EVX1: variants seen among roughly 807,000 people sequenced by gnomAD.
EVX1 encodes the protein homeobox even-skipped homolog protein 1.
Under a neutral mutation model 28.6 loss-of-function variants are expected in EVX1, and 19 were observed. The ratio of observed to expected loss-of-function variants is 0.67; its 90% CI spans 0.46 to 0.98. EVX1 has a LOEUF of 0.98. EVX1 is among the 50% of genes least tolerant of loss of function. EVX1 has a pLI of 0.00. For missense variants in EVX1, 660 were observed against 583.0 expected, an observed-to-expected ratio of 1.13 and a Z score of -1.36; for synonymous variants, 324 against 278.2, an observed-to-expected ratio of 1.16 and a Z score of -1.64.
Position 27,243,393 on chromosome 7 carries a change from A to G in EVX1, c.363A>G (p.Glu121=). ...CGGACACCGAGTCGGATTTCTATGA[A>G]GAAATCGAGGTGAGCTGCACCCCGG... ...SSSDTESDFY[E]EIEVSCTPDC... Residue 121 remains glutamate, a synonymous_variant, in exon 1 of 3, where the codon GAA becomes GAG. Transcript: ENST00000496902. The G allele has an allele frequency of 1.2e-6, 2 of 1,612,304 alleles. No individual in the cohort carries two copies. Among genetic ancestry groups the G allele is most frequent in the South Asian group, 1.1e-5 (1 of 91,050 alleles).
intron 1 of EVX1, among the ~76,000 whole-genome samples, chr7:27,244,698 C>T (rs766891251): frequency 6.6e-6 from 1 of 152,194 alleles, no homozygotes; most frequent in African/African-American, 2.4e-5. Flanking sequence ...CACAAAGGTG[C>T]ATCTCAACTC....
intron 1 of EVX1, chr7:27,244,446 C>T (rs1455546204): frequency 2.0e-6 from 2 of 985,332 alleles, no homozygotes; most frequent in South Asian, 4.7e-5. Context: ...CCCTTACTAT[C>T]TTATCACCGA....
intron 1 of EVX1, chr7:27,243,749 G>C: frequency 2.8e-6 from 1 of 354,208 alleles, no homozygotes; most frequent in Non-Finnish European, 5.1e-6. Flanking sequence ...TCAACTGCTC[G>C]GGGAATGCTT....
Position 27,246,329 on chromosome 7 carries a change from C to T in EVX1, c.1128C>T (p.Ser376=), listed in dbSNP as rs1562536797. Residue 376 remains serine, a synonymous_variant, in exon 3 of 3, where the codon TCC becomes TCT. Transcript: ENST00000496902. The part of the protein sequence containing the change: ...AASDFTCAST[S]RSDSFLTFAP... ...CGGACTTCACCTGTGCCTCCACCTC[C>T]CGCTCGGACTCCTTCCTCACCTTCG... The T allele has an allele frequency of 6.3e-7, 1 of 1,598,764 alleles. No homozygotes were observed. Among genetic ancestry groups the T allele is most frequent in the East Asian group, 2.2e-5 (1 of 44,496 alleles).
Position 27,245,288 on chromosome 7 carries a change from C to G in EVX1, c.668C>G (p.Pro223Arg). 2 of 1,613,332 alleles carry G rather than the reference C, an allele frequency of 1.2e-6. No homozygotes were observed. The highest frequency in any genetic ancestry group is 1.1e-5 in the South Asian group (1 of 91,080). The change falls in exon 2 of 3, where the codon CCG becomes CGG. Residue 223 changes from proline (P) to arginine (R), a missense_variant. Transcript: ENST00000496902. ...RCELAAALNL[P>R]ETTIKVWFQN... ...GAGCTGGCGGCCGCCCTAAACCTGC[C>G]GGAAACCACCATCAAGGTATGCGGG... is the stretch of plus-strand genomic sequence containing the variant.
chr7:27,242,916 C>A lies in EVX1; in HGVS notation c.-115C>A. Reference sequence around the variant, plus strand: ...CAGCAGCTCCGCGCCCTCCCAGGCACCCGGCCTTTCTTTCTCCCTCTTGCA... The same window carrying A: ...CAGCAGCTCCGCGCCCTCCCAGGCAACCGGCCTTTCTTTCTCCCTCTTGCA... On this transcript the variant is annotated 5_prime_UTR_variant, in exon 1 of 3. Coordinates refer to ENST00000496902, the MANE Select transcript of EVX1 (RefSeq NM_001989.5). 8.2e-7 allele frequency: 1 copy of A among 1,213,360 alleles called. No individual in the cohort carries two copies. Among genetic ancestry groups the A allele is most frequent in the Non-Finnish European group, 1.1e-6 (1 of 905,124 alleles). 75.2% of individuals were successfully genotyped at this position (1,213,360 alleles called of 1,614,324 possible).
At position 27,245,208 on chromosome 7, in the gene EVX1, G is replaced by A. The variant is rs763674511; in HGVS notation, c.588G>A (p.Ala196=). ...YRTAFTREQI[A]RLEKEFYREN... is the part of the protein sequence containing the mutation. The stretch of plus-strand genomic sequence containing the variant: ...CCGCCTTCACCCGAGAGCAGATTGC[G>A]CGGCTGGAGAAGGAATTCTACCGGG... The change falls in exon 2 of 3, where the codon GCG becomes GCA. Residue 196 remains alanine (A), a synonymous_variant. Coordinates refer to ENST00000496902, the MANE Select transcript of EVX1 (RefSeq NM_001989.5). 4 of 1,613,568 alleles carry A rather than the reference G, an allele frequency of 2.5e-6. No homozygotes were observed. In the African/African-American group the frequency reaches 5.3e-5, roughly 22 times the overall value.
Position 27,243,236 on chromosome 7 carries a change from C to G in EVX1, c.206C>G (p.Pro69Arg), listed in dbSNP as rs563339648. ...GGCGGGGGAGGCCCGGAGGAGGAGCCGGTAGATGGACTCGCAGGCAGCGCG... is the reference window on the plus strand; with the variant it reads ...GGCGGGGGAGGCCCGGAGGAGGAGCGGGTAGATGGACTCGCAGGCAGCGCG... ...ERGGGGPEEE[P>R]VDGLAGSAAG... The change falls in exon 1 of 3, where the codon CCG becomes CGG. Residue 69 changes from proline to arginine, a missense_variant. Pro to Arg is a moderately radical substitution (Grantham distance 103). Around this residue, in one of 3 missense-constraint regions of EVX1, gnomAD observed 308 missense variants for 256.6 expected, o/e 1.20. Transcript: ENST00000496902. 6 of 1,548,656 alleles carry G rather than the reference C, an allele frequency of 3.9e-6. No homozygotes were observed. Among genetic ancestry groups the G allele is most frequent in the Non-Finnish European group, 5.2e-6 (6 of 1,146,732 alleles).
rs1783067613 is a variant in EVX1, at chr7:27,243,090, T to C, written c.60T>C (p.Val20=). ...FLDGGQLGTL[V]GKRVSNLSEA... Reference sequence around the variant, plus strand: ...ATGGGGGTCAGCTTGGCACTCTGGTTGGCAAGAGAGTCTCAAATTTGTCCG... The same window carrying C: ...ATGGGGGTCAGCTTGGCACTCTGGTCGGCAAGAGAGTCTCAAATTTGTCCG... The change falls in exon 1 of 3, where the codon GTT becomes GTC. Residue 20 remains valine, a synonymous_variant. Transcript: ENST00000496902. 6.2e-7 allele frequency: 1 copy of C among 1,612,334 alleles called. No homozygotes were observed. The highest frequency in any genetic ancestry group is 8.5e-7 in the Non-Finnish European group (1 of 1,179,334).
Position 27,246,316 on chromosome 7 carries a change from G to T in EVX1, c.1115G>T (p.Cys372Phe). 6.3e-7 allele frequency: 1 copy of T among 1,595,152 alleles called. No individual in the cohort carries two copies. ...GCTGCCGCCGCCTCGGACTTCACCT[G>T]TGCCTCCACCTCCCGCTCGGACTCC... Reference protein sequence around the residue: ...PRAAAASDFTCASTSRSDSFL... With the variant: ...PRAAAASDFTFASTSRSDSFL... Residue 372 changes from cysteine (C) to phenylalanine (F), a missense_variant, in exon 3 of 3, where the codon TGT becomes TTT. Physicochemically the swap from Cys to Phe is radical, Grantham distance 205. Coordinates refer to ENST00000496902, the MANE Select transcript of EVX1 (RefSeq NM_001989.5).
Position 27,243,144 on chromosome 7 carries a change from G to T in EVX1, c.114G>T (p.Pro38=). The change falls in exon 1 of 3, where the codon CCG becomes CCT. Residue 38 remains proline (P), a synonymous_variant. Coordinates refer to ENST00000496902, the MANE Select transcript of EVX1 (RefSeq NM_001989.5). ...CCGTGGGCAGCCCGCTGCCGGAGCC[G>T]CCCGAGAAAATGGTGCCCCGTGGTT... ...SEAVGSPLPE[P]PEKMVPRGCL... The T allele has an allele frequency of 6.2e-7, 1 of 1,602,032 alleles. No homozygotes were observed. Among genetic ancestry groups the T allele is most frequent in the South Asian group, 1.1e-5 (1 of 88,954 alleles).
chr7:27,246,002 C>A lies in EVX1; in HGVS notation c.801C>A (p.Gly267=), dbSNP rs376919347. Residue 267 remains glycine, a synonymous_variant, in exon 3 of 3, where the codon GGC becomes GGA. Coordinates refer to ENST00000496902, the MANE Select transcript of EVX1 (RefSeq NM_001989.5). ...TYMMSHAAAA[G]GLPYPFPSHL... ...TGATGAGCCATGCGGCGGCCGCGGG[C>A]GGCCTGCCCTACCCCTTCCCATCGC... 1 of 1,601,198 alleles carries A rather than the reference C, an allele frequency of 6.2e-7. No individual in the cohort carries two copies.
chr7:27,245,945 G>T lies in EVX1; in HGVS notation c.744G>T (p.Pro248=), dbSNP rs371979386. The T allele has an allele frequency of 3.7e-5, 59 of 1,596,670 alleles. No homozygotes were observed. Among genetic ancestry groups the T allele is most frequent in the Admixed American group, 1.5e-4 (9 of 58,292 alleles). ...GGCAGCGCCTGGCCATGACGTGGCC[G>T]CACCCGGCGGACCCCGCCTTCTACA... ...DKRQRLAMTW[P]HPADPAFYTY... The change falls in exon 3 of 3, where the codon CCG becomes CCT. Residue 248 remains proline, a synonymous_variant. Transcript: ENST00000496902.
chr7:27,245,548 G>A lies in EVX1; in HGVS notation c.684+244G>A, dbSNP rs139388095. On this transcript the variant is annotated intron_variant, in intron 2 of 2. Coordinates refer to ENST00000496902, the MANE Select transcript of EVX1 (RefSeq NM_001989.5). ...GGAAGGGGATAGAGTGCCTGTGCGG[G>A]TGACAAGGAAGTTTCTGGGGACACG... Among the ~76,000 whole-genome samples, 880 of 152,322 alleles carry A rather than the reference G, an allele frequency of 5.8e-3. 16 individuals carry two copies. Among genetic ancestry groups the A allele is most frequent in the African/African-American group, 0.02 (838 of 41,574 alleles).
At chr7:27,245,349 C>T in intron 2 of EVX1, 45 bp downstream of exon 2, 1 of 1,601,598 alleles carries the variant, frequency 6.2e-7, no homozygotes. Flanking sequence ...ACCTATTTAG[C>T]GGGAAGTAAA....
rs1783164811 is a variant in EVX1 at position 27,245,984 on chromosome 7, C to T, written c.783C>T (p.Ser261=). 16 of 1,604,924 alleles carry T rather than the reference C, an allele frequency of 1.0e-5. No individual in the cohort carries two copies. Among genetic ancestry groups the T allele is most frequent in the Admixed American group, 1.7e-5 (1 of 60,000 alleles). The change falls in exon 3 of 3, where the codon AGC becomes AGT. Residue 261 remains serine, a synonymous_variant. Transcript: ENST00000496902. ...CCGCCTTCTACACTTACATGATGAG[C>T]CATGCGGCGGCCGCGGGCGGCCTGC... ...ADPAFYTYMM[S]HAAAAGGLPY...
chr7:27,246,467 T>C lies in EVX1; in HGVS notation c.*42T>C. 2 of 1,555,454 alleles carry C rather than the reference T, an allele frequency of 1.3e-6. No individual in the cohort carries two copies. Among genetic ancestry groups the C allele is most frequent in the South Asian group, 1.2e-5 (1 of 85,828 alleles). ...TGCCGGCTCCATGACGCCCGTGGGGTCACCCCCCGGCCCCGGGACTCAGCC... is the reference window on the plus strand; with the variant it reads ...TGCCGGCTCCATGACGCCCGTGGGGCCACCCCCCGGCCCCGGGACTCAGCC... On this transcript the variant is annotated 3_prime_UTR_variant, in exon 3 of 3. Transcript: ENST00000496902.
chr7:27,247,595 G>C lies in EVX1; in HGVS notation c.*1170G>C, dbSNP rs148530202. The stretch of plus-strand genomic sequence containing the variant: ...GGACCCTGTCTGTGGCCTCCACCAG[G>C]GTTTGTTTAGAGCCACTCCCAAATC... On this transcript the variant is annotated 3_prime_UTR_variant, in exon 3 of 3. Transcript: ENST00000496902. The C allele has an allele frequency of 2.6e-5, 4 of 152,070 alleles. No homozygotes were observed. The highest frequency in any genetic ancestry group is 7.2e-5 in the African/African-American group (3 of 41,390). The allele number at this position is 152,070 out of a possible 1,614,324, so 9.4% of individuals were successfully genotyped here.
rs1338412117 is a variant in EVX1, at chr7:27,245,962, C to T, written c.761C>T (p.Ala254Val). Residue 254 changes from alanine (A) to valine (V), a missense_variant, in exon 3 of 3, where the codon GCC becomes GTC. This residue lies in a region of EVX1 where 299 missense variants were observed against 241.3 expected (regional missense o/e 1.24). Transcript: ENST00000496902. ...AMTWPHPADP[A>V]FYTYMMSHAA... ...ACGTGGCCGCACCCGGCGGACCCCGCCTTCTACACTTACATGATGAGCCAT... is the reference window on the plus strand; with the variant it reads ...ACGTGGCCGCACCCGGCGGACCCCGTCTTCTACACTTACATGATGAGCCAT... The T allele has an allele frequency of 6.3e-7, 1 of 1,590,052 alleles. No individual in the cohort carries two copies. Among genetic ancestry groups the T allele is most frequent in the African/African-American group, 1.4e-5 (1 of 71,650 alleles).
Sources: gnomAD v4.1 joint callset for allele counts (sites outside exome capture counted in the v4.1 genomes callset) on GRCh38, gnomAD v4.1.1 for gene constraint, gnomAD v4.1.1 regional missense constraint, MANE v1.5 for transcripts, NCBI Gene and HGNC (gene_info 2026-07-23, HGNC 2026-07-21) for gene names.